SHISAL1: variants seen among roughly 807,000 people sequenced by gnomAD.
The protein encoded by SHISAL1 is protein shisa-like-1.
In SHISAL1, 9 loss-of-function variants were observed where a neutral mutation model predicts 22.6. The ratio of observed to expected loss-of-function variants is 0.40; its 90% confidence interval spans 0.24 to 0.70. The LOEUF (loss-of-function observed/expected upper bound fraction) is 0.70. Among genes scored for constraint, SHISAL1 ranks in the 30% least tolerant of loss-of-function variants. The pLI is 0.39. For synonymous variants in SHISAL1, 119 were observed against 115.4 expected (o/e 1.03, Z -0.20); for missense variants, 246 against 270.6 (o/e 0.91, Z 0.64).
intron 4 of SHISAL1, among the ~76,000 whole-genome samples, chr22:44,281,815 C>T (rs1254037104): frequency 1.3e-5 from 2 of 152,176 alleles, no homozygotes; most frequent in African/African-American, 4.8e-5. Context: ...CCCGCTTCTC[C>T]GTGAAATTAA....
chr22:44,279,700 C>T lies in SHISAL1; in HGVS notation c.599+5728G>A, dbSNP rs572461282. 1.3e-4 allele frequency among the ~76,000 whole-genome samples: 20 copies of T among 152,298 alleles called. 1 individual carries two copies. Among genetic ancestry groups the T allele is most frequent in the Middle Eastern group, 3.4e-3 (1 of 294 alleles). ...TGGAGAGGAACTCTGGACATCCCCC[C>T]GCCCCTGCTGGGCTCCTGTCTCTTC... On this transcript the variant is annotated intron_variant, in intron 4 of 4. Transcript: ENST00000381176.
the SHISAL1 span, among the ~76,000 whole-genome samples, chr22:44,323,101 TCCAC>T: frequency 7.5e-6 from 1 of 132,832 alleles, no homozygotes; most frequent in South Asian, 2.8e-4. Context: ...CATCCATCCA[TCCAC>T]CCATCTACCC....
rs568937356 is a variant in SHISAL1 at position 44,248,402 on chromosome 22, G to A, written c.*1283C>T. On this transcript the variant is annotated 3_prime_UTR_variant, in exon 5 of 5. Transcript: ENST00000381176. ...TGAGTGTGTCTACACTGGCAGCATG[G>A]CCTTTGGAGATGTTTGTGATGATTT... 6.8e-6 allele frequency: 1 copy of A among 145,998 alleles called. No individual in the cohort carries two copies. The highest frequency in any genetic ancestry group is 2.8e-5 in the African/African-American group (1 of 35,596). The allele number at this position is 145,998 out of a possible 1,614,324, so 9.0% of individuals were successfully genotyped here.
chr22:44,263,217 C>T (rs967469845), intron 4 of SHISAL1, among the ~76,000 whole-genome samples: 2 of 151,618 alleles, frequency 1.3e-5, no homozygotes, highest in Admixed American at 1.3e-4. Context: ...ATTACAGGCA[C>T]CCACCACCAC....
chr22:44,250,184 C>T (rs1180152503), intron 4 of SHISAL1, among the ~76,000 whole-genome samples: 1 of 152,222 alleles, frequency 6.6e-6, no homozygotes, highest in African/African-American at 2.4e-5. Flanking sequence ...TGTTGTTCCC[C>T]TTTTATCCTC....
intron 1 of SHISAL1, among the ~76,000 whole-genome samples, chr22:44,311,710 G>A (rs899746215): frequency 2.6e-5 from 4 of 152,222 alleles, no homozygotes; most frequent in African/African-American, 9.6e-5. Flanking sequence ...CAACCCTGCT[G>A]AAGGCCCTAG....
intron 4 of SHISAL1, among the ~76,000 whole-genome samples, chr22:44,266,525 G>GGTGTGT (rs386395566): frequency 1.7e-4 from 8 of 45,716 alleles, no homozygotes; most frequent in Non-Finnish European, 2.8e-4. Context: ...GGGGCTTTGG[G>GGTGTGT]GTATGTGTGT....
chr22:44,245,333 TAGAC>T lies in SHISAL1; in HGVS notation c.*4348_*4351del, dbSNP rs2054990266. 1.3e-5 allele frequency: 2 copies of T among 152,322 alleles called. No homozygotes were observed. The highest frequency in any genetic ancestry group is 1.5e-5 in the Non-Finnish European group (1 of 68,162). 9.4% of individuals were successfully genotyped at this position (152,322 alleles called of 1,614,324 possible). On this transcript the variant is annotated 3_prime_UTR_variant, in exon 5 of 5. Coordinates refer to ENST00000381176, the MANE Select transcript of SHISAL1 (RefSeq NM_001099294.2). The stretch of plus-strand genomic sequence containing the variant: ...CTTCCTTCCTTCTTACCTACCTACC[TAGAC>T]AGAGTCTCACTCTGTTGCCCAGGCT...
At chr22:44,264,154 G>A (rs2055145692) in intron 4 of SHISAL1, among the ~76,000 whole-genome samples, 1 of 152,200 alleles carries the variant, frequency 6.6e-6, no homozygotes, top group Admixed American at 6.5e-5. Context: ...CTGGCCCAGA[G>A]TGCTCTGCCC....
intron 4 of SHISAL1, among the ~76,000 whole-genome samples, chr22:44,254,700 ACT>A (rs753106821): frequency 1.3e-5 from 2 of 151,932 alleles, no homozygotes; most frequent in Non-Finnish European, 2.9e-5. Context: ...AGACATGTTC[ACT>A]GCTGAGGAAT....
intron 3 of SHISAL1, among the ~76,000 whole-genome samples, chr22:44,286,487 T>C (rs2055316723): frequency 6.6e-6 from 1 of 152,188 alleles, no homozygotes; most frequent in Non-Finnish European, 1.5e-5. Flanking sequence ...CCGACTCCAC[T>C]GCAGACAGGG....
chr22:44,298,217 T>C (rs891486841), intron 2 of SHISAL1, among the ~76,000 whole-genome samples: 1 of 152,214 alleles, frequency 6.6e-6, no homozygotes, highest in East Asian at 1.9e-4. Flanking sequence ...TCTGGGGATG[T>C]AGAGGTTATT....
chr22:44,300,382 T>C (rs773249013), intron 2 of SHISAL1, among the ~76,000 whole-genome samples: 1 of 152,134 alleles, frequency 6.6e-6, no homozygotes, highest in South Asian at 2.1e-4. Flanking sequence ...GAGGACTTAG[T>C]TTGTGCTCAT....
chr22:44,313,043 C>A (rs554624734), upstream of SHISAL1, among the ~76,000 whole-genome samples: 10 of 152,308 alleles, frequency 6.6e-5, no homozygotes, highest in South Asian at 2.1e-3. Context: ...CCTCCCAGGC[C>A]CAGGATGGCA....
chr22:44,275,890 C>A (rs1373299575), intron 4 of SHISAL1, among the ~76,000 whole-genome samples: 1 of 152,244 alleles, frequency 6.6e-6, no homozygotes, highest in Non-Finnish European at 1.5e-5. Flanking sequence ...TGATTGGACA[C>A]TGTCTAGGTG....
chr22:44,287,718 A>C (rs544926962), intron 3 of SHISAL1, among the ~76,000 whole-genome samples: 31 of 152,276 alleles, frequency 2.0e-4, no homozygotes, highest in African/African-American at 7.2e-4. Flanking sequence ...TCCTTCCAGG[A>C]ATTCCAGGAA....
intron 2 of SHISAL1, among the ~76,000 whole-genome samples, chr22:44,297,153 T>TA (rs1348472323): frequency 9.9e-5 from 15 of 152,174 alleles, no homozygotes; most frequent in Non-Finnish European, 7.4e-5. Context: ...CATGCAGCAG[T>TA]CACTCAATTA....
chr22:44,302,043 A>G lies in SHISAL1; in HGVS notation c.-32-1066T>C, dbSNP rs1049280008. 3.3e-5 allele frequency among the ~76,000 whole-genome samples: 5 copies of G among 152,264 alleles called. No individual in the cohort carries two copies. The South Asian group carries it at 1.0e-3, about 32-fold the overall frequency. ...CTCAATGCCACTGACTGTCCACTTA[A>G]AAAGGGTTAAAGTACAGTGGCCCAC... is the stretch of plus-strand genomic sequence containing the variant. On this transcript the variant is annotated intron_variant, in intron 1 of 4. Transcript: ENST00000381176.
chr22:44,267,364 C>T (rs1002720999), intron 4 of SHISAL1, among the ~76,000 whole-genome samples: 7 of 152,148 alleles, frequency 4.6e-5, no homozygotes, highest in Non-Finnish European at 1.5e-5. Context: ...TCCCAGGCTA[C>T]TCAGCCCAGG....
Sources: allele counts gnomAD v4.1 joint callset (sites outside exome capture counted in the v4.1 genomes callset), GRCh38; gene constraint gnomAD v4.1.1; transcripts MANE v1.5; gene names NCBI Gene and HGNC (gene_info 2026-07-23, HGNC 2026-07-21).